The following KLF12 variants were observed in gnomAD, a reference collection of about 807,000 sequenced individuals.
KLF12 encodes KLF transcription factor 12.
KLF12 carries 9 observed loss-of-function variants against 37.8 expected under a neutral mutation model. The ratio of observed to expected loss-of-function variants is 0.24; its 90% CI spans 0.14 to 0.42. The LOEUF (loss-of-function observed/expected upper bound fraction) is 0.42, where lower values mean the gene tolerates loss of function less well. KLF12 is among the 10% of genes least tolerant of loss of function. KLF12 has a pLI of 1.00. For synonymous variants in KLF12, 208 were observed against 202.1 expected, an observed-to-expected ratio of 1.03 and a Z score of -0.25; for missense variants, 411 against 516.0, an observed-to-expected ratio of 0.80 and a Z score of 1.97.
At chr13:74,019,944 T>A (rs1051439205) in intron 1 of KLF12, among the ~76,000 whole-genome samples, 1 of 152,182 alleles carries the variant, frequency 6.6e-6, no homozygotes, top group Non-Finnish European at 1.5e-5. Flanking sequence ...GGATCAAATA[T>A]AAAATGACAT....
rs965770209 is a variant in KLF12, at chr13:74,133,769, G to T, written c.-62C>A. On this transcript the variant is annotated 5_prime_UTR_variant, in exon 1 of 8. Transcript: ENST00000377669. Reference sequence around the variant, plus strand: ...CAGAAGCTGCAGAGCAGGAGAAATTGTTTTCTTTCCCTCACACAGAGTCCC... The same window carrying T: ...CAGAAGCTGCAGAGCAGGAGAAATTTTTTTCTTTCCCTCACACAGAGTCCC... Among the ~76,000 whole-genome samples the T allele has an allele frequency of 1.3e-5, 2 of 151,300 alleles. No homozygotes were observed. Among genetic ancestry groups the T allele is most frequent in the South Asian group, 4.2e-4 (2 of 4,798 alleles).
chr13:73,736,243 T>C (rs1877456813), intron 6 of KLF12, among the ~76,000 whole-genome samples: 1 of 152,186 alleles, frequency 6.6e-6, no homozygotes, highest in South Asian at 2.1e-4. Context: ...CATAATGTAA[T>C]TCATTTGTAG....
chr13:73,834,709 G>A (rs1325993591), intron 4 of KLF12, among the ~76,000 whole-genome samples: 6 of 151,966 alleles, frequency 3.9e-5, no homozygotes, highest in Non-Finnish European at 7.4e-5. Context: ...ACGAGGTTTC[G>A]CCATGTTGGC....
At chr13:73,828,876 G>A (rs1883995773) in intron 4 of KLF12, among the ~76,000 whole-genome samples, 1 of 147,894 alleles carries the variant, frequency 6.8e-6, no homozygotes, top group Admixed American at 6.8e-5. Context: ...GATACAGTAT[G>A]CCCTTTTGTA....
intron 5 of KLF12, among the ~76,000 whole-genome samples, chr13:73,779,729 T>C (rs778535750): frequency 8.5e-5 from 13 of 152,236 alleles, no homozygotes; most frequent in Admixed American, 4.6e-4. Flanking sequence ...TCTGAAGTGC[T>C]AGCAGTCTTG....
chr13:73,857,964 C>T lies in KLF12; in HGVS notation c.124-11591G>A, dbSNP rs537816772. Among the ~76,000 whole-genome samples, 4 of 152,158 alleles carry T rather than the reference C, an allele frequency of 2.6e-5. No individual in the cohort carries two copies. In the East Asian group the frequency reaches 5.8e-4, roughly 22 times the overall value. On this transcript the variant is annotated intron_variant, in intron 3 of 7. Coordinates refer to ENST00000377669, the MANE Select transcript of KLF12 (RefSeq NM_007249.5). ...TACAAAACTATACAAAAAGTATGAG[C>T]TTAATTTTGTCCCCCCAAAGCATTC... is the stretch of plus-strand genomic sequence containing the variant.
chr13:73,774,653 T>C (rs956465031), intron 5 of KLF12, among the ~76,000 whole-genome samples: 2 of 152,174 alleles, frequency 1.3e-5, no homozygotes, highest in African/African-American at 2.4e-5. Context: ...GGGTGAAAGG[T>C]ATATGTGAAT....
chr13:73,702,090 C>T (rs561901474), intron 7 of KLF12, among the ~76,000 whole-genome samples: 6 of 152,134 alleles, frequency 3.9e-5, no homozygotes, highest in South Asian at 4.1e-4. Context: ...AACTCCATTT[C>T]GGAGTTCATG....
the KLF12 span, among the ~76,000 whole-genome samples, chr13:74,164,588 G>A: frequency 1.3e-5 from 2 of 152,196 alleles, no homozygotes; most frequent in African/African-American, 2.4e-5. Flanking sequence ...TTCTTTTGAA[G>A]TGTAAAAGAC....
At chr13:73,828,824 T>A (rs905628742) in intron 4 of KLF12, among the ~76,000 whole-genome samples, 3 of 152,222 alleles carry the variant, frequency 2.0e-5, no homozygotes, top group African/African-American at 7.2e-5. Flanking sequence ...ACTTTTCATT[T>A]GAACAATACC....
chr13:74,205,677 G>C, the KLF12 span, among the ~76,000 whole-genome samples: 3 of 152,088 alleles, frequency 2.0e-5, no homozygotes, highest in Non-Finnish European at 4.4e-5. Flanking sequence ...GGAAGGACTA[G>C]GCTGTCTTTA....
chr13:73,825,153 T>C (rs1469551900), intron 4 of KLF12, among the ~76,000 whole-genome samples: 2 of 151,902 alleles, frequency 1.3e-5, no homozygotes, highest in African/African-American at 2.4e-5. Context: ...AGTGCCCCCC[T>C]TCTCCTGCCC....
intron 1 of KLF12, among the ~76,000 whole-genome samples, chr13:74,079,205 T>C (rs947842955): frequency 1.6e-5 from 2 of 124,948 alleles, no homozygotes; most frequent in Non-Finnish European, 3.6e-5. Context: ...AGACACAAAA[T>C]AGAACGGGTA....
intron 1 of KLF12, among the ~76,000 whole-genome samples, chr13:74,067,148 A>G (rs1253289359): frequency 6.6e-6 from 1 of 152,242 alleles, no homozygotes; most frequent in African/African-American, 2.4e-5. Context: ...AAGAATTTGA[A>G]CAACCTTGCA....
chr13:74,216,776 C>T, the KLF12 span, among the ~76,000 whole-genome samples: 1 of 151,792 alleles, frequency 6.6e-6, no homozygotes, highest in South Asian at 2.1e-4. Context: ...CCCTAATTAA[C>T]ATCCTCTGTA....
chr13:73,890,249 G>C (rs1242079017), intron 3 of KLF12, among the ~76,000 whole-genome samples: 1 of 151,832 alleles, frequency 6.6e-6, no homozygotes, highest in Non-Finnish European at 1.5e-5. Flanking sequence ...TTTATTTTGG[G>C]CTATATTTCA....
At chr13:73,865,826 G>A (rs1357472266) in intron 3 of KLF12, among the ~76,000 whole-genome samples, 3 of 152,038 alleles carry the variant, frequency 2.0e-5, no homozygotes, top group East Asian at 1.9e-4. Flanking sequence ...TTCCAAAAGC[G>A]AAAAATACAG....
At chr13:74,238,518 C>T in the KLF12 span, among the ~76,000 whole-genome samples, 2 of 136,580 alleles carry the variant, frequency 1.5e-5, 1 homozygote, top group African/African-American at 6.9e-5. Flanking sequence ...AGGAATGGTA[C>T]CAGTTCCTCC....
intron 7 of KLF12, among the ~76,000 whole-genome samples, chr13:73,703,114 T>C (rs17090356): frequency 0.12 from 18,966 of 152,086 alleles, 1,575 homozygotes; most frequent in South Asian, 0.22. Context: ...AGTTTGAAAG[T>C]TTCCCAGTTT....
Sources: gnomAD v4.1 joint callset for allele counts (sites outside exome capture counted in the v4.1 genomes callset) on GRCh38, gnomAD v4.1.1 for gene constraint, MANE v1.5 for transcripts, NCBI Gene and HGNC (gene_info 2026-07-23, HGNC 2026-07-21) for gene names.